The following KCNH8 variants were observed in gnomAD, a reference collection of about 807,000 sequenced individuals.
The protein encoded by KCNH8 is potassium voltage-gated channel subfamily H member 8.
KCNH8 carries 70 observed loss-of-function variants against 103.6 expected under a neutral mutation model. The ratio of observed to expected loss-of-function variants is 0.68; its 90% confidence interval spans 0.56 to 0.82. KCNH8 has a LOEUF of 0.82. Ranked by LOEUF, KCNH8 falls within the 40% of genes least tolerant of loss-of-function variation. The pLI is 0.00. For missense variants in KCNH8, 1,217 were observed against 1,329.9 expected (o/e 0.92, Z 1.32); for synonymous variants, 498 against 489.4 (o/e 1.02, Z -0.23).
chr3:19,531,825 A>C (rs1489269907), intron 15 of KCNH8, among the ~76,000 whole-genome samples: 2 of 150,744 alleles, frequency 1.3e-5, no homozygotes, highest in East Asian at 3.9e-4. Context: ...AATGAAGTTG[A>C]ACTACCTCTT....
chr3:19,386,946 T>C (rs1402644633), intron 5 of KCNH8, among the ~76,000 whole-genome samples: 1 of 152,190 alleles, frequency 6.6e-6, no homozygotes, highest in Non-Finnish European at 1.5e-5. Flanking sequence ...CTTTTCTTCC[T>C]CAACACAATC....
At chr3:19,202,221 T>C (rs541801162) in intron 1 of KCNH8, among the ~76,000 whole-genome samples, 82 of 152,278 alleles carry the variant, frequency 5.4e-4, no homozygotes, top group South Asian at 1.2e-3. Context: ...CATCATTTTA[T>C]CTGGTTTAGC....
At chr3:19,184,672 A>G (rs1006463921) in intron 1 of KCNH8, among the ~76,000 whole-genome samples, 5 of 151,924 alleles carry the variant, frequency 3.3e-5, no homozygotes, top group African/African-American at 1.2e-4. Flanking sequence ...CTAAAAGGTA[A>G]AGGTAGTATT....
At chr3:19,262,171 A>T (rs1025598748) in intron 2 of KCNH8, among the ~76,000 whole-genome samples, 5 of 151,888 alleles carry the variant, frequency 3.3e-5, no homozygotes, top group Non-Finnish European at 7.4e-5. Context: ...TAGGAATTGC[A>T]TTGAATCTAT....
chr3:19,491,455 G>A (rs900092589), intron 11 of KCNH8, among the ~76,000 whole-genome samples: 1 of 152,296 alleles, frequency 6.6e-6, no homozygotes, highest in Admixed American at 6.5e-5. Flanking sequence ...CCATTAGTTT[G>A]CTGAGGATTC....
intron 2 of KCNH8, among the ~76,000 whole-genome samples, chr3:19,279,348 G>A (rs1046671449): frequency 5.9e-5 from 9 of 151,980 alleles, no homozygotes; most frequent in African/African-American, 2.2e-4. Flanking sequence ...GCATTTTTGG[G>A]GTCACTGTAT....
At chr3:19,202,749 T>C (rs2063676318) in intron 1 of KCNH8, among the ~76,000 whole-genome samples, 1 of 152,116 alleles carries the variant, frequency 6.6e-6, no homozygotes, top group Admixed American at 6.6e-5. Flanking sequence ...CTTTTTTATT[T>C]TGGAATCAAC....
Position 19,395,322 on chromosome 3 carries a change from A to G in KCNH8, c.1177+11A>G, listed in dbSNP as rs368261431. The G allele has an allele frequency of 1.7e-5, 27 of 1,570,740 alleles. No homozygotes were observed. The South Asian group carries it at 2.8e-4, about 17-fold the overall frequency. On this transcript the variant is annotated intron_variant, in intron 7 of 15. Transcript: ENST00000328405. ...TGAAGTGGGAAGTTGGTAAGGGCTTACATTTGTCACATTTTCCATTTTTTA... is the reference window on the plus strand; with the variant it reads ...TGAAGTGGGAAGTTGGTAAGGGCTTGCATTTGTCACATTTTCCATTTTTTA...
In KCNH8 at chr3:19,398,419, G is replaced by A. The variant is rs1414196070; in HGVS notation, c.1177+3108G>A. Among the ~76,000 whole-genome samples the A allele has an allele frequency of 3.9e-5, 6 of 151,938 alleles. No individual in the cohort carries two copies. In the East Asian group the frequency reaches 1.2e-3, roughly 29 times the overall value. ...TAGATGCTGAGGAAAAGGCATTTGT[G>A]ACAGCAGGGTTATTAATATATTAAG... is the stretch of plus-strand genomic sequence containing the variant. On this transcript the variant is annotated intron_variant, in intron 7 of 15. Transcript: ENST00000328405.
intron 1 of KCNH8, among the ~76,000 whole-genome samples, chr3:19,188,567 T>C (rs191205900): frequency 2.6e-5 from 4 of 152,166 alleles, no homozygotes; most frequent in Admixed American, 2.6e-4. Flanking sequence ...TAAAAATCGA[T>C]TTATAAATAT....
chr3:19,260,097 G>A (rs576256944), intron 2 of KCNH8, among the ~76,000 whole-genome samples: 14 of 151,584 alleles, frequency 9.2e-5, no homozygotes, highest in Non-Finnish European at 1.3e-4. Context: ...TGGTGATCTC[G>A]TGGTATTTTA....
intron 2 of KCNH8, among the ~76,000 whole-genome samples, chr3:19,258,947 C>CTATATATATATATATATATATATATA (rs71055060): frequency 1.2e-4 from 3 of 24,802 alleles, no homozygotes; most frequent in Non-Finnish European, 2.4e-4. Context: ...CTCTCTCTCT[C>CTATATATATATATATATATATATATA]TATATATATA....
In KCNH8 at chr3:19,281,203, C is replaced by G. The variant is rs905205030; in HGVS notation, c.316C>G (p.Pro106Ala). 1 of 1,608,524 alleles carries G rather than the reference C, an allele frequency of 6.2e-7. No individual in the cohort carries two copies. The highest frequency in any genetic ancestry group is 8.5e-7 in the Non-Finnish European group (1 of 1,177,328). ...EIMFYKKNGS[P>A]FWCLLDIVPI... ...TTTTTTCTTTACTGTTGCAGGGTCT[C>G]CATTTTGGTGCCTACTGGATATTGT... The change falls in exon 3 of 16, where the codon CCA becomes GCA. Residue 106 changes from proline (P) to alanine (A), a missense_variant. Transcript: ENST00000328405.
At chr3:19,285,674 T>G (rs2064820800) in intron 3 of KCNH8, among the ~76,000 whole-genome samples, 1 of 151,942 alleles carries the variant, frequency 6.6e-6, no homozygotes, top group Admixed American at 6.6e-5. Flanking sequence ...ATTGATGAAT[T>G]TAAATGACTT....
chr3:19,464,516 T>C (rs1230667515), intron 11 of KCNH8, among the ~76,000 whole-genome samples: 1 of 151,852 alleles, frequency 6.6e-6, no homozygotes, highest in African/African-American at 2.4e-5. Flanking sequence ...GTAATAACAA[T>C]AAAGGAAAGA....
rs190115782 is a variant in KCNH8, at chr3:19,193,779, A to T, written c.76+44984A>T. Among the ~76,000 whole-genome samples the T allele has an allele frequency of 1.1e-4, 17 of 151,864 alleles. No individual in the cohort carries two copies. In the South Asian group the frequency reaches 1.2e-3, roughly 11 times the overall value. On this transcript the variant is annotated intron_variant, in intron 1 of 15. Coordinates refer to ENST00000328405, the MANE Select transcript of KCNH8 (RefSeq NM_144633.3). ...AAAGCAAGCATTGTTTCATTGAAGA[A>T]ATTTCTTTTTAACTTGAAAGCTTCA...
At chr3:19,358,390 T>G (rs1159146523) in intron 5 of KCNH8, among the ~76,000 whole-genome samples, 3 of 151,808 alleles carry the variant, frequency 2.0e-5, no homozygotes, top group African/African-American at 7.2e-5. Flanking sequence ...TGAAGATATT[T>G]TCACAAAAAA....
chr3:19,247,781 A>G (rs1444786542), intron 1 of KCNH8, among the ~76,000 whole-genome samples: 1 of 152,192 alleles, frequency 6.6e-6, no homozygotes, highest in African/African-American at 2.4e-5. Flanking sequence ...ATGCCAAGTC[A>G]GTGTGTATCA....
intron 5 of KCNH8, among the ~76,000 whole-genome samples, chr3:19,355,955 T>G (rs991978385): frequency 3.3e-5 from 5 of 151,690 alleles, no homozygotes; most frequent in African/African-American, 1.2e-4. Context: ...TACTGTTTAT[T>G]TTCTATTTCT....
Sources: allele counts gnomAD v4.1 joint callset (sites outside exome capture counted in the v4.1 genomes callset), GRCh38; gene constraint gnomAD v4.1.1; transcripts MANE v1.5; gene names NCBI Gene and HGNC (gene_info 2026-07-23, HGNC 2026-07-21).